LOC128125818: variants seen among roughly 807,000 people sequenced by gnomAD.
chr4:6,064,986 A>G, the LOC128125818 span: 7 of 1,614,002 alleles, frequency 4.3e-6, no homozygotes, highest in Non-Finnish European at 5.9e-6. The surrounding 1 kb of genome is among the most constrained non-coding windows in gnomAD (Gnocchi z 4.3). Context: ...ATCAAATCCA[A>G]AAAATGTCTC....
the LOC128125818 span, among the ~76,000 whole-genome samples, chr4:6,068,497 C>T: frequency 4.0e-5 from 6 of 151,826 alleles, no homozygotes; most frequent in African/African-American, 9.7e-5. Flanking sequence ...ATAGCAGCAA[C>T]GAGTTGTCTG....
the LOC128125818 span, among the ~76,000 whole-genome samples, chr4:6,068,674 C>G: frequency 6.7e-6 from 1 of 150,124 alleles, no homozygotes; most frequent in African/African-American, 2.5e-5. Context: ...TCTTCTGCTT[C>G]AGCCTCCCAA....
the LOC128125818 span, among the ~76,000 whole-genome samples, chr4:6,068,360 T>A: frequency 4.3e-4 from 66 of 152,178 alleles, no homozygotes; most frequent in African/African-American, 1.5e-3. Flanking sequence ...TCCACAGAAC[T>A]ATGCTGCTTT....
At chr4:6,065,450 G>A in the LOC128125818 span, among the ~76,000 whole-genome samples, 1 of 152,158 alleles carries the variant, frequency 6.6e-6, no homozygotes, top group African/African-American at 2.4e-5. This position sits in a 1 kb window ranked among gnomAD's most constrained non-coding sequence, Gnocchi z 5.1. Flanking sequence ...ACAGGGTCCA[G>A]GGAGATGCTC....
the LOC128125818 span, among the ~76,000 whole-genome samples, chr4:6,065,798 G>C: frequency 6.6e-6 from 1 of 152,118 alleles, no homozygotes; most frequent in Admixed American, 6.5e-5. This position sits in a 1 kb window ranked among gnomAD's most constrained non-coding sequence, Gnocchi z 5.1. Context: ...TCATTCATCT[G>C]TCTATCAATT....
the LOC128125818 span, among the ~76,000 whole-genome samples, chr4:6,068,874 C>T: frequency 1.3e-5 from 2 of 152,122 alleles, no homozygotes. Context: ...CCAGCCTTAA[C>T]ATTTTTTTAT....
chr4:6,065,309 A>G, the LOC128125818 span, among the ~76,000 whole-genome samples: 3 of 152,172 alleles, frequency 2.0e-5, no homozygotes, highest in African/African-American at 7.2e-5. The surrounding 1 kb of genome is among the most constrained non-coding windows in gnomAD (Gnocchi z 5.1). Context: ...CTCCTTCTCT[A>G]GCAAATGGAT....
the LOC128125818 span, among the ~76,000 whole-genome samples, chr4:6,066,732 C>T: frequency 9.9e-5 from 15 of 152,140 alleles, no homozygotes; most frequent in African/African-American, 3.1e-4. Context: ...CTCTCTCCCC[C>T]TCTCTCCATT....
chr4:6,068,989 C>A, the LOC128125818 span, among the ~76,000 whole-genome samples: 3 of 152,066 alleles, frequency 2.0e-5, no homozygotes, highest in African/African-American at 7.2e-5. Flanking sequence ...ATGCAGTAAG[C>A]CTACATGTAC....
chr4:6,066,896 C>A, the LOC128125818 span, among the ~76,000 whole-genome samples: 1 of 152,076 alleles, frequency 6.6e-6, no homozygotes, highest in Non-Finnish European at 1.5e-5. Context: ...TCCTCCGCTC[C>A]AGGCTTCTGC....
At chr4:6,065,499 AG>A in the LOC128125818 span, among the ~76,000 whole-genome samples, 26 of 152,366 alleles carry the variant, frequency 1.7e-4, no homozygotes, top group African/African-American at 6.3e-4. The surrounding 1 kb of genome is among the most constrained non-coding windows in gnomAD (Gnocchi z 5.1). Flanking sequence ...AGGACAGCAG[AG>A]GGGGCAACAG....
chr4:6,065,656 G>A, the LOC128125818 span, among the ~76,000 whole-genome samples: 2 of 152,206 alleles, frequency 1.3e-5, no homozygotes, highest in Non-Finnish European at 2.9e-5. This position sits in a 1 kb window ranked among gnomAD's most constrained non-coding sequence, Gnocchi z 5.1. Context: ...CACAGAATGA[G>A]AAGGAATCAT....
chr4:6,066,227 T>C, the LOC128125818 span, among the ~76,000 whole-genome samples: 1 of 151,900 alleles, frequency 6.6e-6, no homozygotes, highest in South Asian at 2.1e-4. Context: ...TACCCAGATA[T>C]CTGTAAATGT....
chr4:6,066,426 C>T, the LOC128125818 span, among the ~76,000 whole-genome samples: 1 of 152,164 alleles, frequency 6.6e-6, no homozygotes, highest in African/African-American at 2.4e-5. Flanking sequence ...CTGCTCACTG[C>T]ATCACCCCTC....
chr4:6,065,000 A>T, the LOC128125818 span: 1 of 1,614,182 alleles, frequency 6.2e-7, no homozygotes, highest in South Asian at 1.1e-5. The surrounding 1 kb of genome is among the most constrained non-coding windows in gnomAD (Gnocchi z 4.3). Context: ...ATGTCTCCAC[A>T]ACATGCTTCT....
chr4:6,065,305 C>CTAA, the LOC128125818 span, among the ~76,000 whole-genome samples: 1 of 152,240 alleles, frequency 6.6e-6, no homozygotes, highest in Non-Finnish European at 1.5e-5. This position sits in a 1 kb window ranked among gnomAD's most constrained non-coding sequence, Gnocchi z 5.1. Context: ...CAGCCTCCTT[C>CTAA]TCTAGCAAAT....
chr4:6,067,972 G>A, the LOC128125818 span, among the ~76,000 whole-genome samples: 31 of 152,276 alleles, frequency 2.0e-4, 1 homozygote, highest in East Asian at 6.0e-3. This position sits in a 1 kb window ranked among gnomAD's most constrained non-coding sequence, Gnocchi z 4.6. Context: ...TGTAGCCCAG[G>A]AAGCATCATC....
chr4:6,068,020 G>A, the LOC128125818 span, among the ~76,000 whole-genome samples: 3 of 152,322 alleles, frequency 2.0e-5, no homozygotes, highest in Admixed American at 6.5e-5. Context: ...ACACACTGCT[G>A]GGCTGTGACC....
At chr4:6,069,996 C>A in the LOC128125818 span, 3 of 398,138 alleles carry the variant, frequency 7.5e-6, no homozygotes, top group South Asian at 3.9e-4. The surrounding 1 kb of genome is among the most constrained non-coding windows in gnomAD (Gnocchi z 4.5). Context: ...GAGCATCGGT[C>A]GGCCACAGCC....
Sources: allele counts gnomAD v4.1 joint callset (sites outside exome capture counted in the v4.1 genomes callset), GRCh38; gene constraint gnomAD v4.1.1; non-coding constraint Gnocchi (gnomAD v3.1); transcripts MANE v1.5.